FHIT: variants seen among roughly 807,000 people sequenced by gnomAD.
FHIT encodes the protein fragile histidine triad diadenosine triphosphatase.
A neutral mutation model predicts 17.9 loss-of-function variants in FHIT; 19 were observed. The observed-to-expected ratio is 1.06, with a 90% confidence interval of 0.74 to 1.56. The LOEUF is 1.56. Among genes scored for constraint, FHIT ranks in the 40% most tolerant of loss-of-function variants. The pLI is 0.00. For missense variants in FHIT, 248 were observed against 189.2 expected, an observed-to-expected ratio of 1.31 and a Z score of -1.82; for synonymous variants, 81 against 69.7, an observed-to-expected ratio of 1.16 and a Z score of -0.81.
intron 5 of FHIT, among the ~76,000 whole-genome samples, chr3:60,445,832 TG>T (rs1401526051): frequency 1.3e-5 from 2 of 151,936 alleles, no homozygotes; most frequent in African/African-American, 4.8e-5. Flanking sequence ...CAAGACTCCC[TG>T]TTATCCCTCT....
intron 5 of FHIT, among the ~76,000 whole-genome samples, chr3:60,467,221 C>T (rs1303306814): frequency 4.0e-5 from 6 of 148,424 alleles, no homozygotes; most frequent in Non-Finnish European, 7.4e-5. Flanking sequence ...TCTCCTTTTT[C>T]ATCTCTAATT....
intron 4 of FHIT, among the ~76,000 whole-genome samples, chr3:60,585,264 G>A (rs1185213441): frequency 1.3e-5 from 2 of 151,880 alleles, no homozygotes; most frequent in African/African-American, 2.4e-5. Context: ...CTCCTGAAAC[G>A]ATACAACACA....
rs1358464577 is a variant in FHIT at position 60,603,283 on chromosome 3, A to G, written c.-17-66304T>C. ...TGAAAAAATACATAGCTGAAGCTCA[A>G]CAATTCCTTGGATTTCACTTTCAGT... On this transcript the variant is annotated intron_variant, in intron 4 of 9. Coordinates refer to ENST00000492590, the MANE Select transcript of FHIT (RefSeq NM_002012.4). Among the ~76,000 whole-genome samples the G allele has an allele frequency of 2.6e-5, 4 of 152,212 alleles. No individual in the cohort carries two copies. In the East Asian group the frequency reaches 7.7e-4, roughly 29 times the overall value.
At chr3:60,256,285 A>G (rs1353111002) in intron 5 of FHIT, among the ~76,000 whole-genome samples, 2 of 152,140 alleles carry the variant, frequency 1.3e-5, no homozygotes, top group Non-Finnish European at 2.9e-5. Context: ...GCAGCATTGG[A>G]TATCTCATCT....
chr3:60,343,080 G>T (rs923356165), intron 5 of FHIT, among the ~76,000 whole-genome samples: 1 of 151,970 alleles, frequency 6.6e-6, no homozygotes, highest in African/African-American at 2.4e-5. Context: ...TGCATATCCT[G>T]GTTTTTAATA....
chr3:59,811,040 A>G (rs1318898501), intron 8 of FHIT, among the ~76,000 whole-genome samples: 1 of 152,252 alleles, frequency 6.6e-6, no homozygotes, highest in East Asian at 1.9e-4. Flanking sequence ...TGTTGTCACA[A>G]GAGAAAATCA....
At chr3:60,892,028 CT>C (rs1342981077) in intron 3 of FHIT, among the ~76,000 whole-genome samples, 2 of 152,118 alleles carry the variant, frequency 1.3e-5, no homozygotes, top group Non-Finnish European at 2.9e-5. Context: ...GGTCTTATGG[CT>C]CCCCAATGTC....
intron 3 of FHIT, among the ~76,000 whole-genome samples, chr3:60,895,699 T>C (rs1216265197): frequency 1.4e-5 from 2 of 147,686 alleles, no homozygotes; most frequent in East Asian, 2.0e-4. Flanking sequence ...TCTTTCTTTC[T>C]TTCTTTCTTT....
chr3:61,209,511 TGTTTC>T (rs2039379878), intron 1 of FHIT, among the ~76,000 whole-genome samples: 1 of 136,556 alleles, frequency 7.3e-6, no homozygotes, highest in Admixed American at 7.8e-5. Context: ...AGGCTTTGTT[TGTTTC>T]TTTTTATTAT....
At chr3:60,192,738 T>G (rs1446198804) in intron 5 of FHIT, among the ~76,000 whole-genome samples, 3 of 152,178 alleles carry the variant, frequency 2.0e-5, no homozygotes, top group African/African-American at 7.2e-5. Context: ...AGTCCTAACT[T>G]TCTACCCTCT....
intron 1 of FHIT, among the ~76,000 whole-genome samples, chr3:61,212,693 A>T (rs1169032885): frequency 1.3e-5 from 2 of 152,184 alleles, no homozygotes; most frequent in South Asian, 2.1e-4. Flanking sequence ...TCCAAGACAC[A>T]TAATTGTCAG....
intron 7 of FHIT, among the ~76,000 whole-genome samples, chr3:59,986,936 G>A (rs1293332089): frequency 8.7e-6 from 1 of 114,854 alleles, no homozygotes; most frequent in African/African-American, 3.4e-5. Flanking sequence ...GTATGTATAG[G>A]ATTTATATAC....
At chr3:60,560,826 C>T (rs2036912407) in intron 4 of FHIT, among the ~76,000 whole-genome samples, 5 of 133,946 alleles carry the variant, frequency 3.7e-5, no homozygotes, top group African/African-American at 1.4e-4. Flanking sequence ...CACACACACA[C>T]ACACACACAC....
intron 5 of FHIT, among the ~76,000 whole-genome samples, chr3:60,079,119 A>G (rs562537633): frequency 3.7e-4 from 57 of 152,238 alleles, no homozygotes; most frequent in Admixed American, 9.8e-4. Flanking sequence ...GCTCCAACCC[A>G]AGAGCTGGCC....
At chr3:60,451,629 G>T (rs423336) in intron 5 of FHIT, among the ~76,000 whole-genome samples, 28,763 of 152,046 alleles carry the variant, frequency 0.19, 4,165 homozygotes, top group African/African-American at 0.4. Context: ...ACAATCCCAA[G>T]AAAGAATATA....
chr3:60,429,208 G>A (rs77656486), intron 5 of FHIT, among the ~76,000 whole-genome samples: 3 of 151,824 alleles, frequency 2.0e-5, no homozygotes, highest in African/African-American at 7.3e-5. Flanking sequence ...TAAACCAGGA[G>A]GCATCAGTTA....
intron 8 of FHIT, among the ~76,000 whole-genome samples, chr3:59,836,869 C>T (rs1701357288): frequency 6.6e-6 from 1 of 152,190 alleles, no homozygotes; most frequent in Non-Finnish European, 1.5e-5. Context: ...AATGAGGCCC[C>T]TGCAAAGGCA....
At chr3:60,635,549 G>T (rs1042896606) in intron 4 of FHIT, among the ~76,000 whole-genome samples, 1 of 152,132 alleles carries the variant, frequency 6.6e-6, no homozygotes, top group Non-Finnish European at 1.5e-5. Context: ...TCATCTATTT[G>T]TGTGTATGTT....
chr3:60,878,220 C>A lies in FHIT; in HGVS notation c.-110-56209G>T, dbSNP rs144370619. On this transcript the variant is annotated intron_variant, in intron 3 of 9. Transcript: ENST00000492590. ...CATAGATTCTGGCTCTGTGGGAAAC[C>A]TATATTTGACCCAGCTACAGAGAGT... Among the ~76,000 whole-genome samples the A allele has an allele frequency of 3.2e-3, 479 of 152,060 alleles. 3 individuals are homozygous for A. The highest frequency in any genetic ancestry group is 0.011 in the African/African-American group (451 of 41,488).
Sources: gnomAD v4.1 joint callset for allele counts (sites outside exome capture counted in the v4.1 genomes callset) on GRCh38, gnomAD v4.1.1 for gene constraint, MANE v1.5 for transcripts, NCBI Gene and HGNC (gene_info 2026-07-23, HGNC 2026-07-21) for gene names.